SPTBN1: variants seen among roughly 807,000 people sequenced by gnomAD.
The protein encoded by SPTBN1 is spectrin beta, non-erythrocytic 1.
SPTBN1 carries 32 observed loss-of-function variants against 266.4 expected under a neutral mutation model. The observed-to-expected ratio is 0.12, with a 90% CI of 0.09 to 0.16. The LOEUF (loss-of-function observed/expected upper bound fraction) is 0.16, where lower values mean the gene tolerates loss of function less well. Among genes scored for constraint, SPTBN1 ranks in the 10% least tolerant of loss-of-function variants. SPTBN1 has a pLI of 1.00. For missense variants in SPTBN1, 2,296 were observed against 3,067.1 expected, an observed-to-expected ratio of 0.75 and a Z score of 5.94; for synonymous variants, 1,336 against 1,162.2, an observed-to-expected ratio of 1.15 and a Z score of -3.04.
At chr2:54,486,726 A>T (rs1396640564) in intron 1 of SPTBN1, among the ~76,000 whole-genome samples, 2 of 151,690 alleles carry the variant, frequency 1.3e-5, no homozygotes, top group African/African-American at 4.9e-5. Context: ...ATTAAAAAAA[A>T]ATAATAAATT....
intron 1 of SPTBN1, among the ~76,000 whole-genome samples, chr2:54,511,597 C>T (rs1322397128): frequency 6.6e-6 from 1 of 152,084 alleles, no homozygotes; most frequent in Admixed American, 6.5e-5. Context: ...GACATGGTGG[C>T]TCACCCTTGT....
chr2:54,553,423 A>G (rs1672692727), intron 2 of SPTBN1, among the ~76,000 whole-genome samples: 1 of 152,226 alleles, frequency 6.6e-6, no homozygotes, highest in Non-Finnish European at 1.5e-5. Context: ...TGCTTAGTGC[A>G]GCATAAATGC....
At chr2:54,614,446 G>A (rs1370097832) in intron 4 of SPTBN1, among the ~76,000 whole-genome samples, 5 of 152,108 alleles carry the variant, frequency 3.3e-5, no homozygotes, top group Admixed American at 1.3e-4. Flanking sequence ...TACCCTATAT[G>A]TGCATAGAAG....
chr2:54,550,318 G>A (rs1558829445), intron 2 of SPTBN1, among the ~76,000 whole-genome samples: 1 of 152,202 alleles, frequency 6.6e-6, no homozygotes. Flanking sequence ...CTATGGCAGG[G>A]AGGCTGTGCT....
rs145586482 is a variant in SPTBN1, at chr2:54,631,168, A to G, written c.3121A>G (p.Ser1041Gly). The part of the protein sequence containing the change: ...QAILSRLAEI[S>G]DVWEEMKTTL... Reference sequence around the variant, plus strand: ...CATCCTGTCTCGGCTGGCCGAGATCAGCGACGTGTGGGAGGAGATGAAGAC... The same window carrying G: ...CATCCTGTCTCGGCTGGCCGAGATCGGCGACGTGTGGGAGGAGATGAAGAC... The change falls in exon 16 of 36, where the codon AGC becomes GGC. Residue 1041 changes from serine to glycine, a missense_variant. Transcript: ENST00000356805. 6 of 1,614,078 alleles carry G rather than the reference A, an allele frequency of 3.7e-6. No homozygotes were observed. The highest frequency in any genetic ancestry group is 5.1e-6 in the Non-Finnish European group (6 of 1,180,050).
intron 1 of SPTBN1, among the ~76,000 whole-genome samples, chr2:54,480,984 A>G (rs906841905): frequency 1.3e-5 from 2 of 152,090 alleles, no homozygotes; most frequent in African/African-American, 4.8e-5. Flanking sequence ...TCACTTGTCA[A>G]TGTAGAGGGA....
At position 54,645,955 on chromosome 2, in the gene SPTBN1, G is replaced by A; in HGVS notation, c.4522G>A (p.Ala1508Thr). Residue 1508 changes from alanine to threonine, a missense_variant, in exon 22 of 36, where the codon GCA (alanine) becomes ACA (threonine). Transcript: ENST00000356805. This position sits in a 1 kb window ranked among gnomAD's most constrained non-coding sequence, Gnocchi z 4.3. ...GTGGGTTGGAGAGAGGATGCCTTTGGCAACTTCCACGGATCATGGCCACAA... is the reference window on the plus strand; with the variant it reads ...GTGGGTTGGAGAGAGGATGCCTTTGACAACTTCCACGGATCATGGCCACAA... Reference protein sequence around the residue: ...ILWVGERMPLATSTDHGHNLQ... With the variant: ...ILWVGERMPLTTSTDHGHNLQ... 1.2e-6 allele frequency: 2 copies of A among 1,614,144 alleles called. No homozygotes were observed. Among genetic ancestry groups the A allele is most frequent in the Non-Finnish European group, 1.7e-6 (2 of 1,180,036 alleles).
At position 54,670,370 on chromosome 2, in the gene SPTBN1, A is replaced by T; in HGVS notation, c.*1801A>T. ...GCATAAAGCAGCAATGGATATTAGTATTATGGATGTCCAGTAAGTTATTCC... is the reference window on the plus strand; with the variant it reads ...GCATAAAGCAGCAATGGATATTAGTTTTATGGATGTCCAGTAAGTTATTCC... On this transcript the variant is annotated 3_prime_UTR_variant, in exon 36 of 36. Transcript: ENST00000356805. 1 of 240,066 alleles carries T rather than the reference A, an allele frequency of 4.2e-6. No homozygotes were observed. The highest frequency in any genetic ancestry group is 8.0e-6 in the Non-Finnish European group (1 of 125,518). The allele number at this position is 240,066 out of a possible 1,614,324, so 14.9% of individuals were successfully genotyped here.
rs1679943514 is a variant in SPTBN1 at position 54,646,626 on chromosome 2, C to T, written c.4866+151C>T. ...CCATGTGCATGAAGGTGTCTGAAATCCAGCTGCTGGTTTCCCTTTGGTGCA... is the reference window on the plus strand; with the variant it reads ...CCATGTGCATGAAGGTGTCTGAAATTCAGCTGCTGGTTTCCCTTTGGTGCA... On this transcript the variant is annotated intron_variant, in intron 23 of 35. Transcript: ENST00000356805. This position sits in a 1 kb window ranked among gnomAD's most constrained non-coding sequence, Gnocchi z 4.4. 1 of 919,570 alleles carries T rather than the reference C, an allele frequency of 1.1e-6. No individual in the cohort carries two copies. Among genetic ancestry groups the T allele is most frequent in the Non-Finnish European group, 1.5e-6 (1 of 670,082 alleles). 57.0% of individuals were successfully genotyped at this position (919,570 alleles called of 1,614,324 possible).
Position 54,533,349 on chromosome 2 carries a change from AGTGTGTGTGT to A in SPTBN1, c.148+6820_148+6829del, listed in dbSNP as rs56027497. On this transcript the variant is annotated intron_variant, in intron 2 of 35. Transcript: ENST00000356805. The surrounding 1 kb of genome is among the most constrained non-coding windows in gnomAD (Gnocchi z 4.2). ...AGTGAAACCCAGGCTAAAGGGGACT[AGTGTGTGTGT>A]GTGTGTGTGTGTGTGTGTGTGTGTG... is the stretch of plus-strand genomic sequence containing the variant. Among the ~76,000 whole-genome samples the A allele has an allele frequency of 7.9e-3, 1,122 of 141,958 alleles. 10 individuals carry two copies. Among genetic ancestry groups the A allele is most frequent in the East Asian group, 0.033 (158 of 4,768 alleles). The allele number at this position is 141,958 out of a possible 152,430, so 93.1% of individuals were successfully genotyped here. A position where few individuals can be genotyped will look rare whatever the true frequency, so the allele number is the denominator to read the frequency against.
chr2:54,619,412 T>G (rs1471757911), intron 7 of SPTBN1, among the ~76,000 whole-genome samples: 1 of 152,226 alleles, frequency 6.6e-6, no homozygotes, highest in Non-Finnish European at 1.5e-5. Context: ...ATAAAGAACC[T>G]TTTTTTCCCT....
At chr2:54,593,124 T>G (rs1675799459) in intron 2 of SPTBN1, among the ~76,000 whole-genome samples, 1 of 152,202 alleles carries the variant, frequency 6.6e-6, no homozygotes, top group Admixed American at 6.5e-5. Flanking sequence ...GCCACTCACT[T>G]GAGGGTGGGT....
intron 35 of SPTBN1, among the ~76,000 whole-genome samples, chr2:54,667,949 C>T (rs1313182889): frequency 6.6e-6 from 1 of 152,194 alleles, no homozygotes; most frequent in Non-Finnish European, 1.5e-5. Flanking sequence ...ATGGGACCCC[C>T]GCTGCACCCT....
chr2:54,643,260 T>G lies in SPTBN1; in HGVS notation c.4005+131T>G, dbSNP rs377104367. ...TTTACGTAAGTTACACAGCCAGTAATAGCTCCCTTTGCACGTACGGGTTCC... is the reference window on the plus strand; with the variant it reads ...TTTACGTAAGTTACACAGCCAGTAAGAGCTCCCTTTGCACGTACGGGTTCC... On this transcript the variant is annotated intron_variant, in intron 19 of 35. Coordinates refer to ENST00000356805, the MANE Select transcript of SPTBN1 (RefSeq NM_003128.3). 37 of 1,339,258 alleles carry G rather than the reference T, an allele frequency of 2.8e-5. No homozygotes were observed. The South Asian group carries it at 4.8e-4, about 18-fold the overall frequency. 83.0% of individuals were successfully genotyped at this position (1,339,258 alleles called of 1,614,324 possible). A position where few individuals can be genotyped will look rare whatever the true frequency, so the allele number is the denominator to read the frequency against.
intron 3 of SPTBN1, among the ~76,000 whole-genome samples, chr2:54,605,770 C>T (rs557248890): frequency 3.3e-5 from 5 of 152,188 alleles, no homozygotes; most frequent in Non-Finnish European, 5.9e-5. Context: ...AATTCCCACT[C>T]CTCTCGTATA....
chr2:54,532,089 A>C (rs755762010), intron 2 of SPTBN1, among the ~76,000 whole-genome samples: 3 of 152,148 alleles, frequency 2.0e-5, no homozygotes, highest in Non-Finnish European at 4.4e-5. Flanking sequence ...GGCGTTCAAA[A>C]CCAGCCTGGC....
chr2:54,613,286 G>T (rs1175324975), intron 4 of SPTBN1, among the ~76,000 whole-genome samples: 1 of 141,980 alleles, frequency 7.0e-6, no homozygotes, highest in African/African-American at 2.7e-5. Flanking sequence ...ATTCCTTCCT[G>T]TTCTGCCCCT....
At chr2:54,603,670 A>G (rs1676647282) in intron 3 of SPTBN1, among the ~76,000 whole-genome samples, 1 of 152,140 alleles carries the variant, frequency 6.6e-6, no homozygotes, top group Non-Finnish European at 1.5e-5. Flanking sequence ...TGAAAGCTCA[A>G]AGTTTCATGT....
intron 1 of SPTBN1, among the ~76,000 whole-genome samples, chr2:54,471,383 C>A (rs1558754461): frequency 6.6e-6 from 1 of 152,110 alleles, no homozygotes; most frequent in South Asian, 2.1e-4. Flanking sequence ...GACATTTCTC[C>A]CCAGGTTGAG....
Sources: gnomAD v4.1 joint callset for allele counts (sites outside exome capture counted in the v4.1 genomes callset) on GRCh38, gnomAD v4.1.1 for gene constraint, Gnocchi (gnomAD v3.1) non-coding constraint, MANE v1.5 for transcripts, NCBI Gene and HGNC (gene_info 2026-07-23, HGNC 2026-07-21) for gene names.